The following R3HCC1 variants were observed in gnomAD, a reference collection of about 807,000 sequenced individuals.
R3HCC1 encodes the protein R3H and coiled-coil domain-containing protein 1.
In R3HCC1, 32 loss-of-function variants were observed where a neutral mutation model predicts 40.0. The ratio of observed to expected loss-of-function variants is 0.80; its 90% CI spans 0.60 to 1.07. The LOEUF is 1.07. R3HCC1 is among the 50% of genes least tolerant of loss of function. The probability of loss-of-function intolerance (pLI) is 0.00; values close to 1 mark genes in which losing one functional copy is unlikely to be tolerated. For synonymous variants in R3HCC1, 237 were observed against 232.8 expected (o/e 1.02, Z -0.17); for missense variants, 586 against 563.3 (o/e 1.04, Z -0.41).
At position 23,288,545 on chromosome 8, in the gene R3HCC1, G is replaced by A; in HGVS notation, c.22G>A (p.Gly8Ser). Reference sequence around the variant, plus strand: ...CACCCTGGCCCTTCTCTGCTTGGATGGTGTCTTCCTCTCCTCAGCCGAGAA... The same window carrying A: ...CACCCTGGCCCTTCTCTGCTTGGATAGTGTCTTCCTCTCCTCAGCCGAGAA... The change falls in exon 2 of 8, where the codon GGT (glycine) becomes AGT (serine). Residue 8 changes from glycine (G) to serine (S), a missense_variant. Transcript: ENST00000265806. 3 of 1,536,024 alleles carry A rather than the reference G, an allele frequency of 2.0e-6. No homozygotes were observed. Among genetic ancestry groups the A allele is most frequent in the East Asian group, 2.4e-5 (1 of 40,874 alleles).
At position 23,294,937 on chromosome 8, in the gene R3HCC1, G is replaced by A. The variant is rs78376378; in HGVS notation, c.1192+73G>A. ...TGCGTGCGAGCATGTGTGTGTGTGC[G>A]TGTGTGTGTGTCTGGTTTGGGCAGG... is the stretch of plus-strand genomic sequence containing the variant. On this transcript the variant is annotated intron_variant, in intron 7 of 7. Coordinates refer to ENST00000265806, the MANE Select transcript of R3HCC1 (RefSeq NM_001136108.3). 3.2e-4 allele frequency: 333 copies of A among 1,031,338 alleles called. 5 individuals carry two copies. The East Asian group carries it at 8.4e-3, about 26-fold the overall frequency. 63.9% of individuals were successfully genotyped at this position (1,031,338 alleles called of 1,614,324 possible).
At chr8:23,289,753 G>T (rs1563178368) in intron 3 of R3HCC1, 113 bp from the exon 4 acceptor site, 22 of 1,391,190 alleles carry the variant, frequency 1.6e-5, no homozygotes, top group Non-Finnish European at 9.4e-7. Context: ...TTTGGCTGTG[G>T]TTTTTGCCTA....
chr8:23,295,345 C>T (rs771879978), intron 7 of R3HCC1: 27 of 389,634 alleles, frequency 6.9e-5, no homozygotes, highest in Admixed American at 3.3e-5. Flanking sequence ...AATAAGCAGA[C>T]TCTTCAGTCT....
intron 5 of R3HCC1, among the ~76,000 whole-genome samples, chr8:23,292,436 G>A (rs1437632660): frequency 5.3e-5 from 8 of 152,132 alleles, no homozygotes; most frequent in Non-Finnish European, 8.8e-5. Flanking sequence ...AACCCTGCCT[G>A]TCTCTACTAA....
At chr8:23,290,940 A>G (rs571885692) in intron 4 of R3HCC1, 12 of 210,928 alleles carry the variant, frequency 5.7e-5, no homozygotes, top group African/African-American at 2.3e-4. Flanking sequence ...TATTTTATAC[A>G]TGAAGAATGC....
rs901486142 is a variant in R3HCC1, at chr8:23,294,941, G to C, written c.1192+77G>C. 1.2e-5 allele frequency: 13 copies of C among 1,072,454 alleles called. No homozygotes were observed. The African/African-American group carries it at 2.0e-4, about 17-fold the overall frequency. The allele number at this position is 1,072,454 out of a possible 1,614,324, so 66.4% of individuals were successfully genotyped here. A position where few individuals can be genotyped will look rare whatever the true frequency, so the allele number is the denominator to read the frequency against. ...TGCGAGCATGTGTGTGTGTGCGTGT[G>C]TGTGTGTCTGGTTTGGGCAGGGTCT... On this transcript the variant is annotated intron_variant, in intron 7 of 7. Coordinates refer to ENST00000265806, the MANE Select transcript of R3HCC1 (RefSeq NM_001136108.3).
At chr8:23,294,256 C>G (rs1207093456) in intron 6 of R3HCC1, among the ~76,000 whole-genome samples, 3 of 152,226 alleles carry the variant, frequency 2.0e-5, no homozygotes, top group African/African-American at 2.4e-5. Flanking sequence ...CTGATCTCCA[C>G]AGACTATGGT....
rs959067660 is a variant in R3HCC1 at position 23,293,376 on chromosome 8, A to G, written c.1096+3A>G. 1.3e-6 allele frequency: 2 copies of G among 1,550,118 alleles called. No homozygotes were observed. The highest frequency in any genetic ancestry group is 2.4e-5 in the East Asian group (1 of 40,886). On this transcript the variant is annotated splice_donor_region_variant and intron_variant, in intron 6 of 7. Coordinates refer to ENST00000265806, the MANE Select transcript of R3HCC1 (RefSeq NM_001136108.3). ...CATCTTTCCCTGCCTGGCCTCAGGT[A>G]AGGCACCCCCAGTGGGCCCAGCCCT...
At chr8:23,294,602 A>G (rs1279843504) in intron 6 of R3HCC1, among the ~76,000 whole-genome samples, 167 bp from the exon 7 acceptor site, 3 of 151,820 alleles carry the variant, frequency 2.0e-5, no homozygotes, top group African/African-American at 7.3e-5. Context: ...CTGGGGGATG[A>G]GGCAAGCAGG....
intron 7 of R3HCC1, 59 bp downstream of exon 7, chr8:23,294,923 ATGTGTGTGTGTGCGTGTG>A: frequency 8.2e-7 from 1 of 1,215,126 alleles, no homozygotes; most frequent in East Asian, 2.6e-5. Flanking sequence ...GCGTGCGAGC[ATGTGTGTGTGTGCGTGTG>A]TGTGTGTCTG....
Position 23,294,882 on chromosome 8 carries a change from C to T in R3HCC1, c.1192+18C>T. On this transcript the variant is annotated intron_variant, in intron 7 of 7. Coordinates refer to ENST00000265806, the MANE Select transcript of R3HCC1 (RefSeq NM_001136108.3). ...GAGGCCAAGTAAGGAAAGCGCATGT[C>T]CCTGAATAGGGAGGCTGTGTGTGTG... 6.6e-7 allele frequency: 1 copy of T among 1,521,200 alleles called. No homozygotes were observed. Among genetic ancestry groups the T allele is most frequent in the Non-Finnish European group, 8.9e-7 (1 of 1,119,726 alleles). The allele number at this position is 1,521,200 out of a possible 1,614,324, so 94.2% of individuals were successfully genotyped here.
Position 23,295,980 on chromosome 8 carries a change from G to C in R3HCC1, c.1206G>C (p.Leu402=). 6.4e-7 allele frequency: 1 copy of C among 1,550,520 alleles called. No homozygotes were observed. The highest frequency in any genetic ancestry group is 8.7e-7 in the Non-Finnish European group (1 of 1,146,698). ...CTTTCCTTCTAGAACTCCTGCGTCT[G>C]GTGAAGGAGAGGCCACAGACAAATG... Residue 402 remains leucine (L), a synonymous_variant, in exon 8 of 8, where the codon CTG becomes CTC. Coordinates refer to ENST00000265806, the MANE Select transcript of R3HCC1 (RefSeq NM_001136108.3).
intron 2 of R3HCC1, 77 bp from the exon 3 acceptor site, chr8:23,288,939 G>A (rs1408726658): frequency 6.2e-6 from 9 of 1,462,162 alleles, no homozygotes; most frequent in South Asian, 5.0e-5. Context: ...GTGTTAATCC[G>A]CGATTAACCT....
intron 4 of R3HCC1, chr8:23,290,847 T>C (rs796792457): frequency 6.6e-5 from 17 of 256,390 alleles, no homozygotes; most frequent in African/African-American, 2.4e-4. Flanking sequence ...AGTTTTATCT[T>C]ATAAATCTTG....
At chr8:23,292,120 A>T in intron 5 of R3HCC1, among the ~76,000 whole-genome samples, 1 of 149,804 alleles carries the variant, frequency 6.7e-6, no homozygotes. Flanking sequence ...GTTCCTGCTC[A>T]GGCTTTCTTT....
At position 23,289,031 on chromosome 8, in the gene R3HCC1, C is replaced by A; in HGVS notation, c.126C>A (p.Pro42=). 1 of 1,536,628 alleles carries A rather than the reference C, an allele frequency of 6.5e-7. No homozygotes were observed. The highest frequency in any genetic ancestry group is 8.7e-7 in the Non-Finnish European group (1 of 1,147,000). ...CCCTCCCCAGGGTTCTTCTTTTCCC[C>A]CCACTCTCCAGTCGCCTCCGGTACC... The change falls in exon 3 of 8, where the codon CCC becomes CCA. Residue 42 remains proline, a synonymous_variant. Coordinates refer to ENST00000265806, the MANE Select transcript of R3HCC1 (RefSeq NM_001136108.3).
Position 23,290,295 on chromosome 8 carries a change from C to T in R3HCC1, c.678C>T (p.Asp226=). ...CTGAGAGTCAGTCAGGGAAGGGAGA[C>T]ATGGTGGAGATGGCCACACGGTTTG... Residue 226 remains aspartate (D), a synonymous_variant, in exon 4 of 8, where the codon GAC becomes GAT. Coordinates refer to ENST00000265806, the MANE Select transcript of R3HCC1 (RefSeq NM_001136108.3). 1 of 1,551,696 alleles carries T rather than the reference C, an allele frequency of 6.4e-7. No homozygotes were observed. The highest frequency in any genetic ancestry group is 8.7e-7 in the Non-Finnish European group (1 of 1,146,996).
intron 3 of R3HCC1, 55 bp from the exon 4 acceptor site, chr8:23,289,811 C>A (rs921835001): frequency 8.3e-6 from 12 of 1,440,934 alleles, no homozygotes. Flanking sequence ...TCTAGTAAAT[C>A]ATTTTCCTTT....
At chr8:23,292,934 C>A (rs1323100657) in intron 5 of R3HCC1, among the ~76,000 whole-genome samples, 1 of 152,204 alleles carries the variant, frequency 6.6e-6, no homozygotes, top group East Asian at 1.9e-4. Context: ...ACCCCTCCCC[C>A]ACCACAGAAA....
Sources: gnomAD v4.1 joint callset for allele counts (sites outside exome capture counted in the v4.1 genomes callset) on GRCh38, gnomAD v4.1.1 for gene constraint, MANE v1.5 for transcripts, NCBI Gene and HGNC (gene_info 2026-07-23, HGNC 2026-07-21) for gene names.